Variants in COMMD10 observed in about 807,000 individuals in gnomAD.
The protein encoded by COMMD10 is COMM domain containing 10, also known as COMM domain-containing protein 10.
In COMMD10, 33 loss-of-function variants were observed where a neutral mutation model predicts 28.9. The ratio of observed to expected loss-of-function variants is 1.14; its 90% CI spans 0.87 to 1.53. The LOEUF (loss-of-function observed/expected upper bound fraction) is 1.53. Ranked by LOEUF, COMMD10 falls within the 40% of genes most tolerant of loss-of-function variation. The pLI is 0.00. For synonymous variants in COMMD10, 110 were observed against 81.7 expected, an observed-to-expected ratio of 1.35 and a Z score of -1.87; for missense variants, 310 against 233.4, an observed-to-expected ratio of 1.33 and a Z score of -2.14.
chr5:116,199,279 G>T (rs1489045436), intron 5 of COMMD10, among the ~76,000 whole-genome samples: 4 of 151,946 alleles, frequency 2.6e-5, no homozygotes, highest in Admixed American at 1.3e-4. Flanking sequence ...TTTCTGTTTA[G>T]GTTTTTGGCT....
At chr5:116,131,373 G>A (rs1302626295) in intron 4 of COMMD10, among the ~76,000 whole-genome samples, 2 of 151,634 alleles carry the variant, frequency 1.3e-5, no homozygotes, top group Admixed American at 1.3e-4. Flanking sequence ...ATGTGTGACA[G>A]GTGGGAGGGG....
chr5:116,266,742 A>G (rs993785787), intron 5 of COMMD10, among the ~76,000 whole-genome samples: 2 of 151,760 alleles, frequency 1.3e-5, no homozygotes, highest in Non-Finnish European at 2.9e-5. Context: ...AAAAAGCTTA[A>G]CCACCATGAT....
intron 1 of COMMD10, among the ~76,000 whole-genome samples, chr5:116,087,150 T>A (rs1025678645): frequency 3.9e-5 from 6 of 152,312 alleles, no homozygotes; most frequent in Middle Eastern, 3.4e-3. Context: ...ATTCCTCTCC[T>A]CCCACCCCTT....
intron 5 of COMMD10, among the ~76,000 whole-genome samples, chr5:116,175,712 C>T (rs77318050): frequency 0.015 from 2,232 of 152,166 alleles, 54 homozygotes; most frequent in African/African-American, 0.047. Flanking sequence ...TGAAATTCTG[C>T]CATACGTTGC....
intron 5 of COMMD10, among the ~76,000 whole-genome samples, chr5:116,140,516 G>C (rs1259482508): frequency 1.3e-5 from 2 of 151,654 alleles, no homozygotes. Flanking sequence ...GTCCTTAATG[G>C]CTATACCAAT....
rs371062717 is a variant in COMMD10 at position 116,231,749 on chromosome 5, A to G, written c.511-59768A>G. On this transcript the variant is annotated intron_variant, in intron 5 of 6. Coordinates refer to ENST00000274458, the MANE Select transcript of COMMD10 (RefSeq NM_016144.4). ...AAGTGTATTGTTTATTTTAACTTTT[A>G]TATGACTGTTATTGGCTACTTAAAA... Among the ~76,000 whole-genome samples, 14 of 152,242 alleles carry G rather than the reference A, an allele frequency of 9.2e-5. No individual in the cohort carries two copies. In the East Asian group the frequency reaches 1.9e-3, roughly 21 times the overall value.
intron 5 of COMMD10, among the ~76,000 whole-genome samples, chr5:116,199,458 T>G (rs1748608493): frequency 6.6e-6 from 1 of 152,206 alleles, no homozygotes; most frequent in Non-Finnish European, 1.5e-5. Flanking sequence ...TTTTTTGTTT[T>G]TAATTTAATG....
At chr5:116,279,869 A>G (rs1403045195) in intron 5 of COMMD10, among the ~76,000 whole-genome samples, 1 of 151,760 alleles carries the variant, frequency 6.6e-6, no homozygotes, top group Admixed American at 6.6e-5. Flanking sequence ...GTGACACCCC[A>G]TCCGCTATAT....
At chr5:116,114,035 C>T (rs973885685) in intron 4 of COMMD10, among the ~76,000 whole-genome samples, 1 of 151,604 alleles carries the variant, frequency 6.6e-6, no homozygotes. Context: ...TTATGATATT[C>T]TTGGCTATAA....
At chr5:116,126,090 C>G (rs1442312065) in intron 4 of COMMD10, among the ~76,000 whole-genome samples, 3 of 152,168 alleles carry the variant, frequency 2.0e-5, no homozygotes, top group Admixed American at 6.6e-5. Flanking sequence ...TCTTAGGATA[C>G]AAAATCAGTG....
chr5:116,278,396 C>G (rs1262377723), intron 5 of COMMD10, among the ~76,000 whole-genome samples: 1 of 151,756 alleles, frequency 6.6e-6, no homozygotes, highest in Non-Finnish European at 1.5e-5. Flanking sequence ...TTAATGAATA[C>G]TATACAAGGT....
At chr5:116,283,519 G>A (rs1751131285) in intron 5 of COMMD10, among the ~76,000 whole-genome samples, 1 of 151,372 alleles carries the variant, frequency 6.6e-6, no homozygotes. Context: ...GCTAATTTTT[G>A]TATTTTTAGT....
chr5:116,176,644 G>C lies in COMMD10; in HGVS notation c.510+42466G>C, dbSNP rs1753522738. 2.0e-5 allele frequency among the ~76,000 whole-genome samples: 3 copies of C among 151,778 alleles called. No individual in the cohort carries two copies. The South Asian group carries it at 6.3e-4, about 32-fold the overall frequency. On this transcript the variant is annotated intron_variant, in intron 5 of 6. Coordinates refer to ENST00000274458, the MANE Select transcript of COMMD10 (RefSeq NM_016144.4). ...CTTAAATTCTGTTTTCTGATGTTGAGGGTCCTATAAGGTTGTACTCTTAAT... is the reference window on the plus strand; with the variant it reads ...CTTAAATTCTGTTTTCTGATGTTGACGGTCCTATAAGGTTGTACTCTTAAT...
chr5:116,193,513 A>G lies in COMMD10; in HGVS notation c.510+59335A>G, dbSNP rs546017940. Among the ~76,000 whole-genome samples, 39 of 152,276 alleles carry G rather than the reference A, an allele frequency of 2.6e-4. No individual in the cohort carries two copies. The South Asian group carries it at 7.9e-3, about 31-fold the overall frequency. The stretch of plus-strand genomic sequence containing the variant: ...TCATGCAAATGGACACCAAAAGCAA[A>G]TAGGGAAAGCTACTCTTATGTCAGA... On this transcript the variant is annotated intron_variant, in intron 5 of 6. Transcript: ENST00000274458.
rs192288312 is a variant in COMMD10 at position 116,231,971 on chromosome 5, C to T, written c.511-59546C>T. 3.9e-5 allele frequency among the ~76,000 whole-genome samples: 6 copies of T among 152,120 alleles called. No individual in the cohort carries two copies. In the East Asian group the frequency reaches 9.7e-4, roughly 25 times the overall value. ...TGAACTGAATGATACTACTTCTCAC[C>T]CCCTCCATGGCAAAGGGGTCATCTA... On this transcript the variant is annotated intron_variant, in intron 5 of 6. Coordinates refer to ENST00000274458, the MANE Select transcript of COMMD10 (RefSeq NM_016144.4).
chr5:116,092,484 T>A lies in COMMD10; in HGVS notation c.244-61T>A, dbSNP rs952583778. The stretch of plus-strand genomic sequence containing the variant: ...TTTAAAAATAGTTTTGTATTTAGTA[T>A]AGTTTAAAGTTTCAGTATGAAGATG... On this transcript the variant is annotated intron_variant, in intron 3 of 6. Transcript: ENST00000274458. 3 of 1,175,220 alleles carry A rather than the reference T, an allele frequency of 2.6e-6. No homozygotes were observed. In the African/African-American group the frequency reaches 4.6e-5, roughly 18 times the overall value. 72.8% of individuals were successfully genotyped at this position (1,175,220 alleles called of 1,614,324 possible). A position where few individuals can be genotyped will look rare whatever the true frequency, so the allele number is the denominator to read the frequency against.
chr5:116,088,718 T>G lies in COMMD10; in HGVS notation c.132+1131T>G, dbSNP rs1460300004. On this transcript the variant is annotated intron_variant, in intron 2 of 6. Transcript: ENST00000274458. ...TATAAATGTCCTTCTTCCCCTTTAC[T>G]GAGTAACTTGTTCATCCTTCAAGGA... Among the ~76,000 whole-genome samples the G allele has an allele frequency of 2.6e-5, 4 of 152,246 alleles. No individual in the cohort carries two copies. In the South Asian group the frequency reaches 8.3e-4, roughly 32 times the overall value.
chr5:116,193,055 C>T (rs1426162567), intron 5 of COMMD10, among the ~76,000 whole-genome samples: 6 of 152,262 alleles, frequency 3.9e-5, no homozygotes, highest in South Asian at 2.1e-4. Flanking sequence ...TTGTATCCAG[C>T]GAAGCTAAGC....
chr5:116,180,888 C>T (rs1276824646), intron 5 of COMMD10, among the ~76,000 whole-genome samples: 2 of 152,096 alleles, frequency 1.3e-5, no homozygotes, highest in African/African-American at 2.4e-5. Flanking sequence ...TTATTAGGCT[C>T]ATGTCTCTCA....
Sources: gnomAD v4.1 joint callset for allele counts (sites outside exome capture counted in the v4.1 genomes callset) on GRCh38, gnomAD v4.1.1 for gene constraint, MANE v1.5 for transcripts, NCBI Gene and HGNC (gene_info 2026-07-23, HGNC 2026-07-21) for gene names.